Variants in EXT1 observed in about 807,000 individuals in gnomAD.
The protein encoded by EXT1 is exostosin-1.
EXT1 carries 20 observed loss-of-function variants against 82.5 expected under a neutral mutation model. That is an observed-to-expected ratio of 0.24 (90% CI 0.17 to 0.35). The LOEUF is 0.35. Among genes scored for constraint, EXT1 ranks in the 10% least tolerant of loss-of-function variants. EXT1 has a pLI of 1.00. For synonymous variants in EXT1, 348 were observed against 350.8 expected (o/e 0.99, Z 0.09); for missense variants, 757 against 936.5 (o/e 0.81, Z 2.50).
chr8:118,102,306 T>C (rs775550640), intron 1 of EXT1, among the ~76,000 whole-genome samples: 4 of 147,772 alleles, frequency 2.7e-5, no homozygotes, highest in Non-Finnish European at 6.0e-5. Flanking sequence ...TAAGAAAATG[T>C]AAATGGTTAA....
chr8:117,832,422 G>A (rs1374978344), intron 3 of EXT1, among the ~76,000 whole-genome samples: 1 of 152,048 alleles, frequency 6.6e-6, no homozygotes, highest in African/African-American at 2.4e-5. Context: ...TACTCGGAAG[G>A]CTGAGGCAGA....
intron 1 of EXT1, among the ~76,000 whole-genome samples, chr8:117,859,960 C>T (rs1414306046): frequency 6.6e-6 from 1 of 151,752 alleles, no homozygotes; most frequent in Non-Finnish European, 1.5e-5. Context: ...CAGCCTGGCC[C>T]ACATGGTGCA....
At chr8:118,094,136 G>GT (rs946977017) in intron 1 of EXT1, among the ~76,000 whole-genome samples, 9 of 152,218 alleles carry the variant, frequency 5.9e-5, no homozygotes, top group African/African-American at 2.2e-4. Context: ...CCGTTTTAAT[G>GT]TTTTTTCAAG....
intron 1 of EXT1, among the ~76,000 whole-genome samples, chr8:117,854,304 AC>A (rs33946729): frequency 0.094 from 14,325 of 152,232 alleles, 941 homozygotes; most frequent in African/African-American, 0.19. Context: ...TACAGGACCT[AC>A]CCAGGGACCT....
chr8:117,915,845 G>C (rs1212304568), intron 1 of EXT1, among the ~76,000 whole-genome samples: 1 of 126,644 alleles, frequency 7.9e-6, no homozygotes, highest in African/African-American at 2.6e-5. Flanking sequence ...GACAGAGCGA[G>C]ACTCTGTCTC....
chr8:117,842,957 T>C (rs560926749), intron 1 of EXT1, among the ~76,000 whole-genome samples: 1 of 152,210 alleles, frequency 6.6e-6, no homozygotes, highest in Non-Finnish European at 1.5e-5. Context: ...CACACAATTC[T>C]AGCCTCCCCA....
intron 1 of EXT1, among the ~76,000 whole-genome samples, chr8:118,067,771 C>T (rs1817018134): frequency 6.6e-6 from 1 of 152,236 alleles, no homozygotes; most frequent in South Asian, 2.1e-4. Flanking sequence ...TTAACATAGG[C>T]TACTTCTGCT....
chr8:117,974,323 C>T (rs1242240138), intron 1 of EXT1, among the ~76,000 whole-genome samples: 2 of 152,092 alleles, frequency 1.3e-5, no homozygotes, highest in African/African-American at 4.8e-5. Flanking sequence ...CCAGGTTTCC[C>T]GACTCTCTGG....
chr8:118,047,575 T>A (rs75439962), intron 1 of EXT1, among the ~76,000 whole-genome samples: 2 of 152,128 alleles, frequency 1.3e-5, no homozygotes, highest in African/African-American at 4.8e-5. Context: ...TAATAAATGG[T>A]GCTCTCTTTT....
At chr8:118,089,747 T>A (rs1817489222) in intron 1 of EXT1, among the ~76,000 whole-genome samples, 2 of 152,234 alleles carry the variant, frequency 1.3e-5, no homozygotes, top group African/African-American at 4.8e-5. Flanking sequence ...ATGAAAACTC[T>A]TATGTGCTAG....
intron 8 of EXT1, among the ~76,000 whole-genome samples, chr8:117,811,858 C>T (rs1823330505): frequency 6.6e-6 from 1 of 152,196 alleles, no homozygotes; most frequent in African/African-American, 2.4e-5. Context: ...TTGTGGTCTG[C>T]CCGCCTCAGC....
chr8:117,991,820 C>T lies in EXT1; in HGVS notation c.962+118265G>A, dbSNP rs182285368. 4.2e-3 allele frequency among the ~76,000 whole-genome samples: 636 copies of T among 152,318 alleles called. 3 individuals carry two copies. Among genetic ancestry groups the T allele is most frequent in the African/African-American group, 0.015 (603 of 41,570 alleles). On this transcript the variant is annotated intron_variant, in intron 1 of 10. Coordinates refer to ENST00000378204, the MANE Select transcript of EXT1 (RefSeq NM_000127.3). ...CAAGTGATCCACCCTCCTCGGCCTCCCAAAGTGCTGGGATTACTGGCATGA... is the reference window on the plus strand; with the variant it reads ...CAAGTGATCCACCCTCCTCGGCCTCTCAAAGTGCTGGGATTACTGGCATGA...
At chr8:117,979,535 G>GAA (rs550280173) in intron 1 of EXT1, among the ~76,000 whole-genome samples, 109 of 142,750 alleles carry the variant, frequency 7.6e-4, no homozygotes, top group African/African-American at 2.6e-3. Context: ...CATCAAAAAT[G>GAA]AAAAAAAAAA....
chr8:117,881,653 A>G (rs112194884), intron 1 of EXT1, among the ~76,000 whole-genome samples: 8 of 152,370 alleles, frequency 5.3e-5, no homozygotes, highest in African/African-American at 1.9e-4. Context: ...ACATTTCTGC[A>G]AAGACTATAT....
At chr8:118,057,265 C>T (rs564995146) in intron 1 of EXT1, among the ~76,000 whole-genome samples, 3 of 152,296 alleles carry the variant, frequency 2.0e-5, no homozygotes, top group South Asian at 4.1e-4. Flanking sequence ...CTTGGCCAGG[C>T]GCAATGGCTC....
At chr8:117,975,146 G>A (rs1815038819) in intron 1 of EXT1, among the ~76,000 whole-genome samples, 1 of 152,162 alleles carries the variant, frequency 6.6e-6, no homozygotes, top group Non-Finnish European at 1.5e-5. Flanking sequence ...GTTCTCAATA[G>A]TGGTAAGCCT....
intron 8 of EXT1, among the ~76,000 whole-genome samples, chr8:117,809,734 A>G (rs1383214156): frequency 6.6e-6 from 1 of 152,138 alleles, no homozygotes; most frequent in East Asian, 1.9e-4. Context: ...GTTAAAAGGT[A>G]GCAGGGGATG....
At chr8:118,105,976 C>T (rs1331865241) in intron 1 of EXT1, among the ~76,000 whole-genome samples, 1 of 152,036 alleles carries the variant, frequency 6.6e-6, no homozygotes. Context: ...TTCCCTAAAC[C>T]CCTTAGGGCC....
At chr8:118,037,912 C>T (rs956854718) in intron 1 of EXT1, among the ~76,000 whole-genome samples, 2 of 145,326 alleles carry the variant, frequency 1.4e-5, no homozygotes, top group East Asian at 4.0e-4. Flanking sequence ...ATGATCTCGG[C>T]TCACTGCAAC....
Sources: allele counts gnomAD v4.1 joint callset (sites outside exome capture counted in the v4.1 genomes callset), GRCh38; gene constraint gnomAD v4.1.1; transcripts MANE v1.5; gene names NCBI Gene and HGNC (gene_info 2026-07-23, HGNC 2026-07-21).